The following MRPS5 variants were observed in gnomAD, a reference collection of about 807,000 sequenced individuals.
MRPS5 encodes small ribosomal subunit protein uS5m.
Under a neutral mutation model 51.9 loss-of-function variants are expected in MRPS5, and 27 were observed. The observed-to-expected ratio is 0.52, with a 90% CI of 0.38 to 0.72. The LOEUF (loss-of-function observed/expected upper bound fraction) is 0.72. MRPS5 is among the 30% of genes least tolerant of loss of function. The probability of loss-of-function intolerance (pLI) is 0.00; values close to 1 mark genes in which losing one functional copy is unlikely to be tolerated. For missense variants in MRPS5, 570 were observed against 545.7 expected, an observed-to-expected ratio of 1.04 and a Z score of -0.44; for synonymous variants, 196 against 193.2, an observed-to-expected ratio of 1.01 and a Z score of -0.12.
intron 10 of MRPS5, chr2:95,093,712 A>G (rs888893121): frequency 1.6e-4 from 25 of 152,234 alleles, no homozygotes; most frequent in Non-Finnish European, 3.7e-4. Context: ...CATCCACACC[A>G]AAACCCCATC....
At chr2:95,119,749 C>T (rs540363563) in intron 1 of MRPS5, among the ~76,000 whole-genome samples, 2 of 152,124 alleles carry the variant, frequency 1.3e-5, no homozygotes, top group Admixed American at 1.3e-4. Flanking sequence ...CTTTGGAAAA[C>T]AGTTTGGCAG....
intron 3 of MRPS5, among the ~76,000 whole-genome samples, chr2:95,110,890 T>C (rs1403289417): frequency 2.0e-5 from 3 of 152,204 alleles, no homozygotes; most frequent in African/African-American, 2.4e-5. Context: ...TTTATATCTA[T>C]ATAACTGAAA....
At chr2:95,108,463 G>T in intron 4 of MRPS5, 55 bp from the exon 5 acceptor site, 2 of 1,430,596 alleles carry the variant, frequency 1.4e-6, no homozygotes, top group Non-Finnish European at 1.9e-6. Flanking sequence ...TTTTTCAAGT[G>T]TTAAAATGTC....
chr2:95,088,138 AT>A (rs542818050), intron 11 of MRPS5, among the ~76,000 whole-genome samples: 3 of 151,722 alleles, frequency 2.0e-5, no homozygotes, highest in African/African-American at 7.3e-5. Flanking sequence ...AAAAAAAAAA[AT>A]TTTTTTTAAT....
At position 95,090,483 on chromosome 2, in the gene MRPS5, C is replaced by G. The variant is rs1273223386; in HGVS notation, c.971G>C (p.Cys324Ser). The change falls in exon 11 of 12, where the codon TGC becomes TCC. Residue 324 changes from cysteine (C) to serine (S), a missense_variant. Physicochemically the swap from Cys to Ser is moderately radical, Grantham distance 112. Coordinates refer to ENST00000272418, the MANE Select transcript of MRPS5 (RefSeq NM_031902.5). ...LRCHRAIITI[C>S]RLIGIKDMYA... ...CATGTCTTTGATGCCAATGAGCCGG[C>G]AGATGGTGATGATGGCCCTGTGGCA... 4 of 1,614,184 alleles carry G rather than the reference C, an allele frequency of 2.5e-6. No homozygotes were observed. Among genetic ancestry groups the G allele is most frequent in the South Asian group, 2.2e-5 (2 of 91,084 alleles).
At chr2:95,091,651 C>G (rs921176508) in intron 10 of MRPS5, 2 of 152,162 alleles carry the variant, frequency 1.3e-5, no homozygotes, top group East Asian at 3.9e-4. Flanking sequence ...TGCTCCAAGG[C>G]AGAAAATCTA....
chr2:95,100,060 G>A lies in MRPS5; in HGVS notation c.931+414C>T, dbSNP rs148602032. 7.4e-4 allele frequency among the ~76,000 whole-genome samples: 112 copies of A among 152,208 alleles called. 3 individuals are homozygous for A. Among genetic ancestry groups the A allele is most frequent in the African/African-American group, 2.5e-3 (102 of 41,540 alleles). Reference sequence around the variant, plus strand: ...AGACCATCTCTGCATCATCCCTAGTGCTTAGCATAGCACCCAGCTCACAGA... The same window carrying A: ...AGACCATCTCTGCATCATCCCTAGTACTTAGCATAGCACCCAGCTCACAGA... On this transcript the variant is annotated intron_variant, in intron 10 of 11. Coordinates refer to ENST00000272418, the MANE Select transcript of MRPS5 (RefSeq NM_031902.5).
chr2:95,111,610 A>G (rs972213402), intron 3 of MRPS5, among the ~76,000 whole-genome samples: 2 of 152,342 alleles, frequency 1.3e-5, no homozygotes, highest in African/African-American at 4.8e-5. Context: ...CCATTATGCT[A>G]TTAAAAACGT....
chr2:95,101,023 C>G, intron 8 of MRPS5, 129 bp from the exon 9 acceptor site: 1 of 686,628 alleles, frequency 1.5e-6, no homozygotes, highest in Non-Finnish European at 2.4e-6. Context: ...GTATATACTT[C>G]TAAAATATAA....
At chr2:95,112,202 T>A (rs1676141136) in intron 3 of MRPS5, among the ~76,000 whole-genome samples, 1 of 152,006 alleles carries the variant, frequency 6.6e-6, no homozygotes, top group Non-Finnish European at 1.5e-5. Context: ...GTAGCTGGGA[T>A]TACAGGTGCC....
intron 10 of MRPS5, among the ~76,000 whole-genome samples, chr2:95,094,894 T>C (rs1337947338): frequency 1.3e-5 from 2 of 152,166 alleles, no homozygotes; most frequent in Admixed American, 6.5e-5. Context: ...TAACCTTAAA[T>C]GTAAATGGGC....
chr2:95,102,442 T>C (rs1675829066), intron 7 of MRPS5, among the ~76,000 whole-genome samples: 2 of 152,182 alleles, frequency 1.3e-5, no homozygotes, highest in Admixed American at 6.5e-5. Context: ...GATGGACAGA[T>C]TGCTTGAGCT....
chr2:95,121,593 C>G (rs2104436961), intron 1 of MRPS5, 141 bp downstream of exon 1: 6 of 917,212 alleles, frequency 6.5e-6, no homozygotes, highest in South Asian at 1.8e-5. Flanking sequence ...CACAGCGGCT[C>G]CGGCGGAAGG....
intron 3 of MRPS5, among the ~76,000 whole-genome samples, chr2:95,114,752 C>G (rs181438357): frequency 1.3e-5 from 2 of 152,248 alleles, no homozygotes; most frequent in African/African-American, 4.8e-5. Context: ...GTCTCCTCAA[C>G]TAAGGCACGA....
chr2:95,110,167 G>T (rs1488723265), intron 3 of MRPS5, 126 bp from the exon 4 acceptor site: 21 of 1,196,032 alleles, frequency 1.8e-5, no homozygotes, highest in Non-Finnish European at 2.3e-5. Context: ...CTGAGGTAAT[G>T]AAAGCAAAAT....
At chr2:95,116,258 T>C (rs891833730) in intron 2 of MRPS5, among the ~76,000 whole-genome samples, 2 of 151,308 alleles carry the variant, frequency 1.3e-5, no homozygotes, top group African/African-American at 2.4e-5. Flanking sequence ...AGTAACTTAA[T>C]ACTAAATATT....
Position 95,101,700 on chromosome 2 carries a change from C to A in MRPS5, c.787G>T (p.Asp263Tyr). ...ACTTTCCTGAAAGCATCCATCCGAT[C>A]AGTAGCTTTCCCAATAGAAAAACCT... ...AAGFSIGKAT[D>Y]RMDAFRKAKN... Residue 263 changes from aspartate to tyrosine, a missense_variant, in exon 8 of 12, where the codon GAT becomes TAT. Transcript: ENST00000272418. 2 of 1,600,326 alleles carry A rather than the reference C, an allele frequency of 1.2e-6. No homozygotes were observed. Among genetic ancestry groups the A allele is most frequent in the South Asian group, 1.1e-5 (1 of 87,682 alleles).
At chr2:95,112,794 G>A (rs1477893570) in intron 3 of MRPS5, among the ~76,000 whole-genome samples, 4 of 152,024 alleles carry the variant, frequency 2.6e-5, no homozygotes, top group East Asian at 3.9e-4. Flanking sequence ...CACGAGGTCA[G>A]GAGATCGAGA....
intron 3 of MRPS5, among the ~76,000 whole-genome samples, chr2:95,111,537 A>G (rs1359687990): frequency 6.6e-6 from 1 of 152,226 alleles, no homozygotes; most frequent in Non-Finnish European, 1.5e-5. Context: ...ATATAGTAAG[A>G]GGAAAATAAA....
Sources: allele counts gnomAD v4.1 joint callset (sites outside exome capture counted in the v4.1 genomes callset), GRCh38; gene constraint gnomAD v4.1.1; transcripts MANE v1.5; gene names NCBI Gene and HGNC (gene_info 2026-07-23, HGNC 2026-07-21).